CUZD1: variants seen among roughly 807,000 people sequenced by gnomAD.
CUZD1 encodes CUB and zona pellucida like domains 1.
A neutral mutation model predicts 53.1 loss-of-function variants in CUZD1; 42 were observed. The observed-to-expected ratio is 0.79, with a 90% CI of 0.62 to 1.02. The LOEUF (loss-of-function observed/expected upper bound fraction) is 1.02. Ranked by LOEUF, CUZD1 falls within the 50% of genes least tolerant of loss-of-function variation. The pLI, the probability that CUZD1 is intolerant of heterozygous loss-of-function variation, is 0.00. For missense variants in CUZD1, 670 were observed against 715.7 expected, an observed-to-expected ratio of 0.94 and a Z score of 0.73; for synonymous variants, 238 against 257.2, an observed-to-expected ratio of 0.93 and a Z score of 0.71.
chr10:122,842,028 T>G (rs144535280), intron 1 of CUZD1, among the ~76,000 whole-genome samples: 1 of 152,286 alleles, frequency 6.6e-6, no homozygotes, highest in African/African-American at 2.4e-5. Context: ...AGTCCTTTGT[T>G]GCATCTGCAA....
At position 122,836,358 on chromosome 10, in the gene CUZD1, G is replaced by GAAAAAAA. The variant is rs11365591; in HGVS notation, c.818-15_818-9dup. On this transcript the variant is annotated splice_polypyrimidine_tract_variant and intron_variant, in intron 5 of 8. Coordinates refer to ENST00000392790, the MANE Select transcript of CUZD1 (RefSeq NM_022034.6). ...AAGAGCAAGTTAAAGATGCTGTCAG[G>GAAAAAAA]AAAAAAAAAAAAAAAAGAATGGTCA... 1 of 1,022,012 alleles carries GAAAAAAA rather than the reference G, an allele frequency of 9.8e-7. No individual in the cohort carries two copies. The allele number at this position is 1,022,012 out of a possible 1,614,324, so 63.3% of individuals were successfully genotyped here. A position where few individuals can be genotyped will look rare whatever the true frequency, so the allele number is the denominator to read the frequency against.
Position 122,836,268 on chromosome 10 carries a change from G to C in CUZD1, c.900C>G (p.Asn300Lys), listed in dbSNP as rs1236061932. The part of the protein sequence containing the change: ...YLEAFNSNGN[N>K]LQLKDPTCRP... ...TGCAAGTTGGGTCTTTTAGTTGCAAGTTATTCCCATTAGAGTTAAAAGCCT... is the reference window on the plus strand; with the variant it reads ...TGCAAGTTGGGTCTTTTAGTTGCAACTTATTCCCATTAGAGTTAAAAGCCT... The change falls in exon 6 of 9, where the codon AAC becomes AAG. Residue 300 changes from asparagine (N) to lysine (K), a missense_variant. Transcript: ENST00000392790. The C allele has an allele frequency of 6.2e-7, 1 of 1,611,298 alleles. No individual in the cohort carries two copies. The highest frequency in any genetic ancestry group is 1.1e-5 in the South Asian group (1 of 90,880).
chr10:122,834,031 C>G, intron 7 of CUZD1, 91 bp from the exon 8 acceptor site: 1 of 1,110,908 alleles, frequency 9.0e-7, no homozygotes, highest in African/African-American at 1.6e-5. Flanking sequence ...AGTTGTGAAT[C>G]CAAAAATCTC....
chr10:122,834,607 G>T, intron 7 of CUZD1, 99 bp downstream of exon 7: 1 of 924,340 alleles, frequency 1.1e-6, no homozygotes. Flanking sequence ...TGTAGTGCTA[G>T]GAAAAATGTA....
chr10:122,836,767 A>T, intron 5 of CUZD1, 64 bp downstream of exon 5: 1 of 1,330,324 alleles, frequency 7.5e-7, no homozygotes, highest in Non-Finnish European at 1.1e-6. Context: ...CTAAAAATTA[A>T]CAATTTCTAC....
At chr10:122,840,696 A>G in intron 2 of CUZD1, among the ~76,000 whole-genome samples, 1 of 152,314 alleles carries the variant, frequency 6.6e-6, no homozygotes, top group East Asian at 1.9e-4. Context: ...TTCAAAATAA[A>G]ATCTATAAAA....
At chr10:122,839,461 G>C (rs1280067463) in intron 2 of CUZD1, among the ~76,000 whole-genome samples, 1 of 152,202 alleles carries the variant, frequency 6.6e-6, no homozygotes, top group African/African-American at 2.4e-5. Flanking sequence ...CTTGTATCAA[G>C]TAAATGATGA....
chr10:122,842,798 A>G (rs1442211393), intron 1 of CUZD1, among the ~76,000 whole-genome samples: 7 of 152,242 alleles, frequency 4.6e-5, no homozygotes, highest in Non-Finnish European at 8.8e-5. Flanking sequence ...TAAAATGGAC[A>G]AAGAACCAGA....
intron 2 of CUZD1, among the ~76,000 whole-genome samples, chr10:122,840,544 G>T: frequency 6.6e-6 from 1 of 152,096 alleles, no homozygotes. Context: ...GACTGCATCT[G>T]CCCAGAGCGT....
At position 122,836,255 on chromosome 10, in the gene CUZD1, C is replaced by G; in HGVS notation, c.913G>C (p.Asp305His). ...GATAATTTTGGTCTGCAAGTTGGGT[C>G]TTTTAGTTGCAAGTTATTCCCATTA... ...NSNGNNLQLKDPTCRPKLSNV... is the reference protein window; with the variant it reads ...NSNGNNLQLKHPTCRPKLSNV... The change falls in exon 6 of 9, where the codon GAC becomes CAC. Residue 305 changes from aspartate to histidine, a missense_variant. Coordinates refer to ENST00000392790, the MANE Select transcript of CUZD1 (RefSeq NM_022034.6). 1.2e-6 allele frequency: 2 copies of G among 1,611,652 alleles called. No homozygotes were observed. Among genetic ancestry groups the G allele is most frequent in the Non-Finnish European group, 1.7e-6 (2 of 1,179,214 alleles).
At chr10:122,840,630 C>T (rs1342584664) in intron 2 of CUZD1, among the ~76,000 whole-genome samples, 2 of 151,978 alleles carry the variant, frequency 1.3e-5, no homozygotes, top group Non-Finnish European at 2.9e-5. Context: ...CTCAGCTTGG[C>T]CTCACACTGG....
chr10:122,845,723 T>A (rs1304367944), intron 1 of CUZD1, 39 bp downstream of exon 1: 2 of 1,586,640 alleles, frequency 1.3e-6, no homozygotes, highest in Middle Eastern at 1.7e-4. Context: ...GAGAAGAACT[T>A]CTCTGTTTTG....
At chr10:122,834,349 T>C (rs1165347492) in intron 7 of CUZD1, among the ~76,000 whole-genome samples, 1 of 152,208 alleles carries the variant, frequency 6.6e-6, no homozygotes, top group Non-Finnish European at 1.5e-5. Context: ...CGTTATATTT[T>C]AAAGATAACG....
chr10:122,841,153 T>C (rs1295193747), intron 2 of CUZD1, 25 bp downstream of exon 2: 1 of 1,598,792 alleles, frequency 6.3e-7, no homozygotes, highest in Non-Finnish European at 8.5e-7. Flanking sequence ...ATATCCCTTA[T>C]TAGGAAACTA....
chr10:122,832,182 G>T lies in CUZD1; in HGVS notation c.*96C>A. 1 of 1,254,172 alleles carries T rather than the reference G, an allele frequency of 8.0e-7. No homozygotes were observed. Among genetic ancestry groups the T allele is most frequent in the Non-Finnish European group, 1.1e-6 (1 of 878,352 alleles). 77.7% of individuals were successfully genotyped at this position (1,254,172 alleles called of 1,614,324 possible). ...ATGCAGGCCTGTGTGTCACTTTCAG[G>T]CCCTTCCTCATTTATTCATAATATG... On this transcript the variant is annotated 3_prime_UTR_variant, in exon 9 of 9. Coordinates refer to ENST00000392790, the MANE Select transcript of CUZD1 (RefSeq NM_022034.6).
At chr10:122,838,490 A>T (rs149573406) in intron 3 of CUZD1, among the ~76,000 whole-genome samples, 64 of 152,228 alleles carry the variant, frequency 4.2e-4, no homozygotes, top group African/African-American at 1.2e-3. Context: ...TTAAATTTCA[A>T]TGGTGAGCCC....
At chr10:122,836,077 GGGGGTCGTTTGTTACAGCA>G in intron 6 of CUZD1, 82 bp downstream of exon 6, 1 of 1,075,784 alleles carries the variant, frequency 9.3e-7, no homozygotes, top group Non-Finnish European at 1.3e-6. Flanking sequence ...ACTAAAATTT[GGGGGTCGTTTGTTACAGCA>G]GCTAGCAAGC....
chr10:122,837,282 T>A, intron 4 of CUZD1, 122 bp downstream of exon 4: 1 of 1,052,336 alleles, frequency 9.5e-7, no homozygotes. Context: ...CCTTTCTACA[T>A]CAATTCTTTG....
chr10:122,833,239 A>G (rs750871453), intron 8 of CUZD1, among the ~76,000 whole-genome samples: 11 of 152,146 alleles, frequency 7.2e-5, no homozygotes, highest in Non-Finnish European at 1.3e-4. Context: ...ATGTTAATAT[A>G]ATAGATTCTT....
Sources: allele counts gnomAD v4.1 joint callset (sites outside exome capture counted in the v4.1 genomes callset), GRCh38; gene constraint gnomAD v4.1.1; transcripts MANE v1.5; gene names NCBI Gene and HGNC (gene_info 2026-07-23, HGNC 2026-07-21).